RIC1: variants seen among roughly 807,000 people sequenced by gnomAD.
RIC1 encodes RIC1 partner of RAB6A GEF complex.
A neutral mutation model predicts 169.0 loss-of-function variants in RIC1; 88 were observed. The ratio of observed to expected loss-of-function variants is 0.52; its 90% confidence interval spans 0.44 to 0.62. The LOEUF (loss-of-function observed/expected upper bound fraction) is 0.62. RIC1 is among the 20% of genes least tolerant of loss of function. RIC1 has a pLI of 0.00. For missense variants in RIC1, 1,877 were observed against 1,725.5 expected (o/e 1.09, Z -1.56); for synonymous variants, 790 against 601.5 (o/e 1.31, Z -4.59).
At chr9:5,696,769 A>T (rs535108771) in intron 3 of RIC1, among the ~76,000 whole-genome samples, 1 of 152,338 alleles carries the variant, frequency 6.6e-6, no homozygotes, top group Non-Finnish European at 1.5e-5. Flanking sequence ...TAGTAATTTC[A>T]GATTGGATGT....
intron 1 of RIC1, among the ~76,000 whole-genome samples, chr9:5,630,106 T>A (rs372620116): frequency 6.6e-5 from 10 of 152,182 alleles, no homozygotes; most frequent in African/African-American, 2.4e-4. Flanking sequence ...CTCAAATCTG[T>A]CCGCGGAACT....
chr9:5,754,199 AACAC>A (rs142979477), intron 14 of RIC1, among the ~76,000 whole-genome samples: 1 of 151,428 alleles, frequency 6.6e-6, no homozygotes, highest in African/African-American at 2.4e-5. Flanking sequence ...TTTTGATGTA[AACAC>A]ACACACACAC....
At chr9:5,744,825 C>A (rs1825285564) in intron 10 of RIC1, among the ~76,000 whole-genome samples, 1 of 152,080 alleles carries the variant, frequency 6.6e-6, no homozygotes, top group Non-Finnish European at 1.5e-5. Flanking sequence ...ATATAAAACC[C>A]CTGTCTTTAC....
intron 3 of RIC1, among the ~76,000 whole-genome samples, chr9:5,695,012 A>T (rs1157327158): frequency 6.6e-6 from 1 of 152,200 alleles, no homozygotes; most frequent in Non-Finnish European, 1.5e-5. Context: ...CTTCTAGTAG[A>T]GGGTGATAAG....
At chr9:5,650,453 G>C (rs1027243747) in intron 1 of RIC1, among the ~76,000 whole-genome samples, 3 of 152,030 alleles carry the variant, frequency 2.0e-5, no homozygotes, top group African/African-American at 7.3e-5. Context: ...AGCAACAGTG[G>C]ATAGAGAGAG....
In RIC1 at chr9:5,689,134, C is replaced by T. The variant is rs1269362698; in HGVS notation, c.253-825C>T. On this transcript the variant is annotated intron_variant, in intron 2 of 25. Coordinates refer to ENST00000414202, the MANE Select transcript of RIC1 (RefSeq NM_020829.4). ...CGCGATCTTAGCTCACTGCAAGCTC[C>T]GCCTTCTGGGTTCACGCCATTCTCC... Among the ~76,000 whole-genome samples, 6 of 147,098 alleles carry T rather than the reference C, an allele frequency of 4.1e-5. No homozygotes were observed. In the South Asian group the frequency reaches 6.4e-4, roughly 16 times the overall value.
intron 6 of RIC1, among the ~76,000 whole-genome samples, chr9:5,729,646 C>T (rs1824238021): frequency 1.3e-5 from 2 of 152,114 alleles, no homozygotes; most frequent in Admixed American, 6.5e-5. Context: ...AGTCATCTCT[C>T]TTTAACTGGA....
rs1479275061 is a variant in RIC1 at position 5,772,708 on chromosome 9, G to A, written c.3761G>A (p.Ser1254Asn). Reference sequence around the variant, plus strand: ...GAGCACATTTCCATGGAGTTGGCCAGTAAAGGGCCTCATAAATCCCAGGTC... The same window carrying A: ...GAGCACATTTCCATGGAGTTGGCCAATAAAGGGCCTCATAAATCCCAGGTC... Reference protein sequence around the residue: ...ELEHISMELASKGPHKSQVQL... With the variant: ...ELEHISMELANKGPHKSQVQL... The change falls in exon 24 of 26, where the codon AGT becomes AAT. Residue 1254 changes from serine (S) to asparagine (N), a missense_variant. This residue lies in a region of RIC1 where 681 missense variants were observed against 582.0 expected (regional missense o/e 1.17). Transcript: ENST00000414202. The A allele has an allele frequency of 6.2e-7, 1 of 1,609,182 alleles. No homozygotes were observed. The highest frequency in any genetic ancestry group is 1.3e-5 in the African/African-American group (1 of 74,658).
chr9:5,670,120 T>C (rs1393089062), intron 2 of RIC1, among the ~76,000 whole-genome samples: 1 of 152,232 alleles, frequency 6.6e-6, no homozygotes, highest in Admixed American at 6.5e-5. Flanking sequence ...AATTTTACTT[T>C]GCCTGTATGA....
intron 6 of RIC1, among the ~76,000 whole-genome samples, chr9:5,725,267 C>T (rs944474704): frequency 1.3e-5 from 2 of 152,168 alleles, no homozygotes; most frequent in African/African-American, 4.8e-5. Context: ...GATTCAGCTT[C>T]TTCCTGGTTT....
intron 1 of RIC1, 67 bp downstream of exon 1, chr9:5,629,520 A>G (rs535125739): frequency 1.7e-4 from 245 of 1,467,414 alleles, no homozygotes; most frequent in Non-Finnish European, 2.1e-4. Context: ...CCCACCCCCA[A>G]CTTCCACCCA....
intron 23 of RIC1, 119 bp downstream of exon 23, chr9:5,770,397 T>C: frequency 1.1e-6 from 1 of 900,034 alleles, no homozygotes; most frequent in Non-Finnish European, 1.6e-6. Flanking sequence ...ACCATTTGTA[T>C]CCACTGGAGA....
At chr9:5,632,626 G>T (rs945080092) in intron 1 of RIC1, among the ~76,000 whole-genome samples, 8 of 152,168 alleles carry the variant, frequency 5.3e-5, no homozygotes, top group African/African-American at 1.9e-4. Context: ...CTAGATTGGG[G>T]TGGTAGAGGT....
chr9:5,681,993 T>C (rs1820874321), intron 2 of RIC1, among the ~76,000 whole-genome samples: 1 of 152,214 alleles, frequency 6.6e-6, no homozygotes, highest in African/African-American at 2.4e-5. Flanking sequence ...CTGCCTTTTT[T>C]TGTTTTCCAT....
intron 8 of RIC1, among the ~76,000 whole-genome samples, chr9:5,741,393 A>G (rs1825075750): frequency 1.3e-5 from 2 of 152,216 alleles, no homozygotes; most frequent in Non-Finnish European, 2.9e-5. Flanking sequence ...AAAATTCTCA[A>G]CCAGTATTTC....
chr9:5,735,896 T>C (rs1824673931), intron 7 of RIC1, among the ~76,000 whole-genome samples: 1 of 152,244 alleles, frequency 6.6e-6, no homozygotes, highest in African/African-American at 2.4e-5. Flanking sequence ...GACACTAAAT[T>C]TGATCACTTA....
At chr9:5,748,822 T>C (rs1385626996) in intron 12 of RIC1, 1 of 152,416 alleles carries the variant, frequency 6.6e-6, no homozygotes, top group Non-Finnish European at 1.5e-5. Context: ...AAGTACCCCA[T>C]ATAAGAGAAA....
In RIC1 at chr9:5,770,102, T is replaced by TA; in HGVS notation, c.3443dup (p.Ser1149ValfsTer5). ...CACTCTGCAGTGGGAGAGCAGCTGT[T>TA]AAAGTCTCAATCAGCTGACCCATTT... On this transcript the variant is annotated frameshift_variant, in exon 23 of 26. Transcript: ENST00000414202. LOFTEE classifies it high-confidence loss of function. 6.2e-7 allele frequency: 1 copy of TA among 1,612,724 alleles called. No homozygotes were observed. The highest frequency in any genetic ancestry group is 8.5e-7 in the Non-Finnish European group (1 of 1,179,414).
intron 2 of RIC1, among the ~76,000 whole-genome samples, chr9:5,674,704 C>T (rs1236479651): frequency 6.6e-6 from 1 of 152,198 alleles, no homozygotes; most frequent in Non-Finnish European, 1.5e-5. Context: ...ATTGACTATT[C>T]CCCTACCTGC....
Sources: gnomAD v4.1 joint callset for allele counts (sites outside exome capture counted in the v4.1 genomes callset) on GRCh38, gnomAD v4.1.1 for gene constraint, gnomAD v4.1.1 regional missense constraint, MANE v1.5 for transcripts, NCBI Gene and HGNC (gene_info 2026-07-23, HGNC 2026-07-21) for gene names.